The following ALS2 variants were observed in gnomAD, a reference collection of about 807,000 sequenced individuals.
ALS2 encodes the protein alsin.
Under a neutral mutation model 203.4 loss-of-function variants are expected in ALS2, and 117 were observed. That is an observed-to-expected ratio of 0.58 (90% CI 0.50 to 0.67). ALS2 has a LOEUF of 0.67. Ranked by LOEUF, ALS2 falls within the 30% of genes least tolerant of loss-of-function variation. The pLI is 0.00. For synonymous variants in ALS2, 718 were observed against 725.9 expected (o/e 0.99, Z 0.17); for missense variants, 1,715 against 1,989.4 (o/e 0.86, Z 2.62).
rs773105860 is a variant in ALS2, at chr2:201,738,767, G to T, written c.2352-32C>A. Reference sequence around the variant, plus strand: ...CAGAAAAGAAAACACATGTACATTAGTTGAAATGTAAATTAGTTCTTCAGT... The same window carrying T: ...CAGAAAAGAAAACACATGTACATTATTTGAAATGTAAATTAGTTCTTCAGT... On this transcript the variant is annotated intron_variant, in intron 11 of 33. Transcript: ENST00000264276. 4 of 1,554,050 alleles carry T rather than the reference G, an allele frequency of 2.6e-6. No homozygotes were observed. The South Asian group carries it at 3.3e-5, about 13-fold the overall frequency.
At position 201,715,300 on chromosome 2, in the gene ALS2, C is replaced by T. The variant is rs185867317; in HGVS notation, c.4004+372G>A. 2.6e-5 allele frequency among the ~76,000 whole-genome samples: 4 copies of T among 152,242 alleles called. No homozygotes were observed. The East Asian group carries it at 7.7e-4, about 29-fold the overall frequency. On this transcript the variant is annotated intron_variant, in intron 25 of 33. Coordinates refer to ENST00000264276, the MANE Select transcript of ALS2 (RefSeq NM_020919.4). ...AGAACCAGAGGGATTTTTTCTGTATCCCTGTCTGTCTGCACCACAGTACTT... is the reference window on the plus strand; with the variant it reads ...AGAACCAGAGGGATTTTTTCTGTATTCCTGTCTGTCTGCACCACAGTACTT...
At chr2:201,764,496 T>A (rs1419710194) in intron 3 of ALS2, among the ~76,000 whole-genome samples, 1 of 148,918 alleles carries the variant, frequency 6.7e-6, no homozygotes, top group Non-Finnish European at 1.5e-5. Context: ...GAGCCAGGAG[T>A]GCTGGCACTG....
At chr2:201,727,430 A>G in intron 16 of ALS2, 152 bp from the exon 17 acceptor site, 1 of 777,278 alleles carries the variant, frequency 1.3e-6, no homozygotes, top group Non-Finnish European at 2.2e-6. Context: ...ACCACGGTGG[A>G]AAGAACAAAG....
At chr2:201,751,379 T>C (rs1693043448) in intron 7 of ALS2, among the ~76,000 whole-genome samples, 1 of 152,218 alleles carries the variant, frequency 6.6e-6, no homozygotes, top group Admixed American at 6.5e-5. Flanking sequence ...ATCCTTAGGT[T>C]TGCATAGGTT....
rs1308195335 is a variant in ALS2, at chr2:201,744,321, T to C, written c.2107A>G (p.Arg703Gly). The C allele has an allele frequency of 6.2e-7, 1 of 1,614,052 alleles. No individual in the cohort carries two copies. Among genetic ancestry groups the C allele is most frequent in the Non-Finnish European group, 8.5e-7 (1 of 1,180,018 alleles). The change falls in exon 10 of 34, where the codon AGA becomes GGA. Residue 703 changes from arginine to glycine, a missense_variant. Arg to Gly is a moderately radical substitution (Grantham distance 125). Around this residue, in one of 3 missense-constraint regions of ALS2, gnomAD observed 1,227 missense variants for 1,413.5 expected, o/e 0.87. Coordinates refer to ENST00000264276, the MANE Select transcript of ALS2 (RefSeq NM_020919.4). ...TCACTTAGTTTTGAATAGAATCGTCTTTCTGTAGTAGCTAACTCGTGGAGA... is the reference window on the plus strand; with the variant it reads ...TCACTTAGTTTTGAATAGAATCGTCCTTCTGTAGTAGCTAACTCGTGGAGA... ...ASLHELATTE[R>G]RFYSKLSDIK...
At chr2:201,765,208 C>G (rs2106097629) in intron 3 of ALS2, among the ~76,000 whole-genome samples, 1 of 152,056 alleles carries the variant, frequency 6.6e-6, no homozygotes, top group South Asian at 2.1e-4. Context: ...CCTATGTTGC[C>G]CAGGAAACAT....
intron 23 of ALS2, 182 bp downstream of exon 23, chr2:201,722,861 G>T: frequency 1.7e-6 from 1 of 594,214 alleles, no homozygotes; most frequent in Non-Finnish European, 3.0e-6. Context: ...TTTCTTGGGC[G>T]ATGGAAATGT....
intron 2 of ALS2, among the ~76,000 whole-genome samples, chr2:201,768,403 A>G (rs1694212171): frequency 6.6e-6 from 1 of 152,226 alleles, no homozygotes; most frequent in Non-Finnish European, 1.5e-5. Flanking sequence ...CGCTGATGCC[A>G]AAATTTTAAT....
chr2:201,722,531 T>C (rs989303843), intron 23 of ALS2: 4 of 153,350 alleles, frequency 2.6e-5, no homozygotes, highest in African/African-American at 4.8e-5. Flanking sequence ...AGAAACTGCA[T>C]TCAAAAGTTT....
At chr2:201,707,070 T>C (rs1161044212) in intron 28 of ALS2, 48 bp from the exon 29 acceptor site, 20 of 1,538,250 alleles carry the variant, frequency 1.3e-5, no homozygotes, top group Non-Finnish European at 1.8e-5. Flanking sequence ...CATATTAAAA[T>C]TGAATACAGA....
intron 1 of ALS2, among the ~76,000 whole-genome samples, chr2:201,769,492 C>T (rs1026980218): frequency 1.3e-5 from 2 of 152,136 alleles, no homozygotes; most frequent in Non-Finnish European, 2.9e-5. Flanking sequence ...AAATCACCTT[C>T]GATTCAGACC....
intron 5 of ALS2, among the ~76,000 whole-genome samples, chr2:201,755,812 C>T (rs1047123748): frequency 1.4e-4 from 21 of 152,122 alleles, no homozygotes; most frequent in Admixed American, 1.3e-3. Flanking sequence ...ATCAAACACA[C>T]ACAACACTAT....
intron 12 of ALS2, among the ~76,000 whole-genome samples, chr2:201,737,499 A>C (rs1257719826): frequency 1.3e-5 from 2 of 152,230 alleles, no homozygotes; most frequent in African/African-American, 4.8e-5. Context: ...GGCCTTTTTA[A>C]CCCTATAAAT....
chr2:201,764,405 G>A (rs1434155968), intron 3 of ALS2, among the ~76,000 whole-genome samples: 1 of 152,008 alleles, frequency 6.6e-6, no homozygotes, highest in Admixed American at 6.5e-5. Flanking sequence ...GCAGAGGCAG[G>A]CGAATCACTA....
intron 13 of ALS2, among the ~76,000 whole-genome samples, chr2:201,731,332 T>G (rs959744124): frequency 1.3e-5 from 2 of 152,152 alleles, no homozygotes; most frequent in Non-Finnish European, 2.9e-5. Flanking sequence ...ATAGGTTATA[T>G]ATCATAAAAG....
chr2:201,738,848 G>C (rs1240198049), intron 11 of ALS2, 113 bp from the exon 12 acceptor site: 2 of 933,730 alleles, frequency 2.1e-6, no homozygotes, highest in Non-Finnish European at 3.4e-6. Flanking sequence ...ATGAATTTCA[G>C]AAGTTTTGTG....
At chr2:201,707,813 T>G in intron 28 of ALS2, 56 bp downstream of exon 28, 1 of 1,597,082 alleles carries the variant, frequency 6.3e-7, no homozygotes, top group Non-Finnish European at 8.6e-7. Context: ...ACTCTTTGAG[T>G]AAGATCATCT....
intron 1 of ALS2, among the ~76,000 whole-genome samples, chr2:201,779,363 A>T (rs1394302115): frequency 1.3e-5 from 2 of 152,200 alleles, no homozygotes; most frequent in Non-Finnish European, 2.9e-5. Flanking sequence ...TATAATTATG[A>T]ATTTTAAATC....
At chr2:201,728,850 GGTGA>G (rs1209082049) in intron 14 of ALS2, among the ~76,000 whole-genome samples, 198 bp downstream of exon 14, 1 of 152,094 alleles carries the variant, frequency 6.6e-6, no homozygotes, top group African/African-American at 2.4e-5. Flanking sequence ...AACTAAAGAA[GGTGA>G]GTAAGTCTTC....
Sources: allele counts gnomAD v4.1 joint callset (sites outside exome capture counted in the v4.1 genomes callset), GRCh38; gene constraint gnomAD v4.1.1; regional missense constraint gnomAD v4.1.1; transcripts MANE v1.5; gene names NCBI Gene and HGNC (gene_info 2026-07-23, HGNC 2026-07-21).